SNX31: variants seen among roughly 807,000 people sequenced by gnomAD.
SNX31 encodes sorting nexin 31.
Under a neutral mutation model 65.4 loss-of-function variants are expected in SNX31, and 58 were observed. The observed-to-expected ratio is 0.89, with a 90% CI of 0.72 to 1.10. The LOEUF (loss-of-function observed/expected upper bound fraction) is 1.10, where lower values mean the gene tolerates loss of function less well. Among genes scored for constraint, SNX31 ranks in the 50% least tolerant of loss-of-function variants. The probability of loss-of-function intolerance (pLI) is 0.00; values close to 1 mark genes in which losing one functional copy is unlikely to be tolerated. For synonymous variants in SNX31, 181 were observed against 190.1 expected (o/e 0.95, Z 0.39); for missense variants, 523 against 529.7 (o/e 0.99, Z 0.12).
chr8:100,644,031 G>T (rs762706494), intron 2 of SNX31, among the ~76,000 whole-genome samples: 11 of 152,140 alleles, frequency 7.2e-5, no homozygotes, highest in Non-Finnish European at 1.3e-4. Flanking sequence ...CTAAAACCAG[G>T]AGTCATCCCA....
chr8:100,640,405 C>T (rs1273392351), intron 2 of SNX31, among the ~76,000 whole-genome samples: 1 of 152,156 alleles, frequency 6.6e-6, no homozygotes, highest in Non-Finnish European at 1.5e-5. Flanking sequence ...GGATTACAGG[C>T]GTGAGCCACC....
At chr8:100,651,934 G>C (rs1819981544), upstream of SNX31, among the ~76,000 whole-genome samples, 1 of 152,134 alleles carries the variant, frequency 6.6e-6, no homozygotes, top group Non-Finnish European at 1.5e-5. Flanking sequence ...GGGGTGCCTG[G>C]GGAAATCTGT....
chr8:100,597,297 T>A (rs1175782622), intron 9 of SNX31, among the ~76,000 whole-genome samples: 1 of 152,126 alleles, frequency 6.6e-6, no homozygotes, highest in African/African-American at 2.4e-5. Context: ...GCTGGCGTGC[T>A]GCGGCACGAT....
intron 3 of SNX31, 41 bp downstream of exon 3, chr8:100,635,856 T>C (rs1413288079): frequency 7.1e-7 from 1 of 1,400,922 alleles, no homozygotes; most frequent in Admixed American, 1.7e-5. Flanking sequence ...TAGCTTACAT[T>C]GCAATAAATC....
rs779788098 is a variant in SNX31, at chr8:100,578,839, A to G, written c.1171-1764T>C. On this transcript the variant is annotated intron_variant, in intron 12 of 13. Coordinates refer to ENST00000311812, the MANE Select transcript of SNX31 (RefSeq NM_152628.4). This position sits in a 1 kb window ranked among gnomAD's most constrained non-coding sequence, Gnocchi z 4.7. ...TGGATTCAAGCGATTCTCCAGCCTC[A>G]GTCTCCCAAGTAGCTAGGAATACAG... Among the ~76,000 whole-genome samples, 19 of 151,990 alleles carry G rather than the reference A, an allele frequency of 1.3e-4. No homozygotes were observed. Among genetic ancestry groups the G allele is most frequent in the Non-Finnish European group, 1.2e-4 (8 of 67,992 alleles).
intron 2 of SNX31, among the ~76,000 whole-genome samples, chr8:100,643,348 C>T (rs898675484): frequency 1.4e-4 from 22 of 152,202 alleles, no homozygotes; most frequent in Admixed American, 1.3e-3. Flanking sequence ...CATTCACACC[C>T]CCCTATACCT....
At position 100,640,686 on chromosome 8, in the gene SNX31, C is replaced by T. The variant is rs186153076; in HGVS notation, c.142-4675G>A. On this transcript the variant is annotated intron_variant, in intron 2 of 13. Coordinates refer to ENST00000311812, the MANE Select transcript of SNX31 (RefSeq NM_152628.4). ...GGCACTTTATCTCTGGGGTCTTCATCCCCCCAACCCATAACCCCCATCTAA... is the reference window on the plus strand; with the variant it reads ...GGCACTTTATCTCTGGGGTCTTCATTCCCCCAACCCATAACCCCCATCTAA... 3.1e-3 allele frequency among the ~76,000 whole-genome samples: 473 copies of T among 152,022 alleles called. 1 individual carries two copies. Among genetic ancestry groups the T allele is most frequent in the African/African-American group, 0.011 (452 of 41,472 alleles).
At chr8:100,658,260 G>A (rs1298305901) in intron 1 of SNX31, among the ~76,000 whole-genome samples, 1 of 152,160 alleles carries the variant, frequency 6.6e-6, no homozygotes, top group Non-Finnish European at 1.5e-5. Flanking sequence ...TCTAGGAGAT[G>A]GAGGCTACTG....
At position 100,614,862 on chromosome 8, in the gene SNX31, A is replaced by G. The variant is rs1432204330; in HGVS notation, c.433-1777T>C. Among the ~76,000 whole-genome samples, 1 of 152,198 alleles carries G rather than the reference A, an allele frequency of 6.6e-6. No homozygotes were observed. Among genetic ancestry groups the G allele is most frequent in the East Asian group, 1.9e-4 (1 of 5,196 alleles). On this transcript the variant is annotated intron_variant, in intron 5 of 13. Coordinates refer to ENST00000311812, the MANE Select transcript of SNX31 (RefSeq NM_152628.4). The surrounding 1 kb of genome is among the most constrained non-coding windows in gnomAD (Gnocchi z 5.1). ...CCATTGCATTCCAGCCTAGGCAACA[A>G]GAGTGAAACTCCATTTCAAAACAAC... is the stretch of plus-strand genomic sequence containing the variant.
rs12549211 is a variant in SNX31, at chr8:100,648,039, C to A, written c.141+1235G>T. On this transcript the variant is annotated intron_variant, in intron 2 of 13. Transcript: ENST00000311812. The surrounding 1 kb of genome is among the most constrained non-coding windows in gnomAD (Gnocchi z 4.3). ...GATGACCACTCAAATTAACTAGTAA[C>A]CACATTACAACTGTTCTTGGTTGAC... is the stretch of plus-strand genomic sequence containing the variant. Among the ~76,000 whole-genome samples, 36 of 152,332 alleles carry A rather than the reference C, an allele frequency of 2.4e-4. No individual in the cohort carries two copies. The highest frequency in any genetic ancestry group is 2.2e-3 in the Admixed American group (34 of 15,298).
intron 10 of SNX31, among the ~76,000 whole-genome samples, chr8:100,592,371 C>T (rs1351843499): frequency 6.6e-6 from 1 of 151,896 alleles, no homozygotes; most frequent in East Asian, 1.9e-4. Context: ...ATAGAAACAA[C>T]CACAAATAAA....
chr8:100,649,565 G>GGCGGTGCGCGGCTCTGAACTCGGCA lies in SNX31; in HGVS notation c.-76_-52dup. The GGCGGTGCGCGGCTCTGAACTCGGCA allele has an allele frequency of 6.6e-7, 1 of 1,516,812 alleles. No individual in the cohort carries two copies. The highest frequency in any genetic ancestry group is 8.9e-7 in the Non-Finnish European group (1 of 1,119,088). The allele number at this position is 1,516,812 out of a possible 1,614,324, so 94.0% of individuals were successfully genotyped here. On this transcript the variant is annotated 5_prime_UTR_variant, in exon 1 of 14. Transcript: ENST00000311812. ...GCTGGGAACCCGACCTGCGGCGGCG[G>GGCGGTGCGCGGCTCTGAACTCGGCA]GCGGTGCGCGGCTCTGAACTCGGCA...
chr8:100,597,621 T>C (rs534583079), intron 9 of SNX31, among the ~76,000 whole-genome samples: 39 of 152,348 alleles, frequency 2.6e-4, no homozygotes, highest in Non-Finnish European at 5.1e-4. Flanking sequence ...CTGCTTTATA[T>C]GATGGTGGTA....
Position 100,660,908 on chromosome 8 carries a change from C to G in SNX31, c.-58+2234G>C, listed in dbSNP as rs1206968934. Among the ~76,000 whole-genome samples the G allele has an allele frequency of 6.6e-6, 1 of 152,156 alleles. No homozygotes were observed. The highest frequency in any genetic ancestry group is 6.5e-5 in the Admixed American group (1 of 15,278). On this transcript the variant is annotated intron_variant, in intron 1 of 5. Coordinates refer to the SNX31 transcript ENST00000520352. This position sits in a 1 kb window ranked among gnomAD's most constrained non-coding sequence, Gnocchi z 4.1. Reference sequence around the variant, plus strand: ...ACATTCGTGCTAATGCAGCATGGATCATCCCTTTATATTTTCCTCATGCCA... The same window carrying G: ...ACATTCGTGCTAATGCAGCATGGATGATCCCTTTATATTTTCCTCATGCCA...
chr8:100,657,729 G>A (rs1171777119), intron 1 of SNX31: 3 of 455,870 alleles, frequency 6.6e-6, no homozygotes, highest in Admixed American at 2.4e-5. Flanking sequence ...GTCACCTGGT[G>A]AAGGTCCAGA....
At chr8:100,582,912 G>C (rs1387125481) in intron 12 of SNX31, among the ~76,000 whole-genome samples, 1 of 151,532 alleles carries the variant, frequency 6.6e-6, no homozygotes, top group Non-Finnish European at 1.5e-5. Context: ...GAACCCGGAA[G>C]GCGGAGCTTG....
At chr8:100,650,841 T>G (rs568110344), upstream of SNX31, among the ~76,000 whole-genome samples, 81 of 103,500 alleles carry the variant, frequency 7.8e-4, no homozygotes, top group Middle Eastern at 0.018. Flanking sequence ...GTGTTTTTTG[T>G]GTTTTTTTGT....
At chr8:100,617,826 G>A (rs4265153) in intron 4 of SNX31, 96 bp from the exon 5 acceptor site, 116 of 967,428 alleles carry the variant, frequency 1.2e-4, no homozygotes, top group East Asian at 2.9e-4. Context: ...GTGCAATGGC[G>A]TGATCTTGGC....
At chr8:100,598,078 G>C (rs1457648661) in intron 9 of SNX31, among the ~76,000 whole-genome samples, 1 of 152,172 alleles carries the variant, frequency 6.6e-6, no homozygotes. Context: ...CTCCGGAGGC[G>C]TTCTCTGATA....
Sources: allele counts gnomAD v4.1 joint callset (sites outside exome capture counted in the v4.1 genomes callset), GRCh38; gene constraint gnomAD v4.1.1; non-coding constraint Gnocchi (gnomAD v3.1); transcripts MANE v1.5; gene names NCBI Gene and HGNC (gene_info 2026-07-23, HGNC 2026-07-21).